The following LRRC56 variants were observed in gnomAD, a reference collection of about 807,000 sequenced individuals.
The protein encoded by LRRC56 is leucine rich repeat containing 56.
In LRRC56, 41 loss-of-function variants were observed where a neutral mutation model predicts 47.8. The observed-to-expected ratio is 0.86, with a 90% CI of 0.67 to 1.11. The LOEUF (loss-of-function observed/expected upper bound fraction) is 1.11, where lower values mean the gene tolerates loss of function less well. LRRC56 is among the 50% of genes most tolerant of loss of function. The pLI is 0.00. For missense variants in LRRC56, 759 were observed against 704.2 expected, an observed-to-expected ratio of 1.08 and a Z score of -0.88; for synonymous variants, 387 against 311.2, an observed-to-expected ratio of 1.24 and a Z score of -2.56.
Position 541,311 on chromosome 11 carries a change from G to A in LRRC56, c.178-226G>A, listed in dbSNP as rs1209896780. On this transcript the variant is annotated intron_variant, in intron 4 of 13. Transcript: ENST00000270115. The surrounding 1 kb of genome is among the most constrained non-coding windows in gnomAD (Gnocchi z 4.1). ...TCTCTCTGGAGACGGGCAGCCCCCA[G>A]GGCAGGTCCTTCTCCCGCAATGACC... is the stretch of plus-strand genomic sequence containing the variant. Among the ~76,000 whole-genome samples the A allele has an allele frequency of 6.6e-6, 1 of 152,184 alleles. No homozygotes were observed. Among genetic ancestry groups the A allele is most frequent in the Non-Finnish European group, 1.5e-5 (1 of 68,034 alleles).
rs1293918092 is a variant in LRRC56, at chr11:554,248, T to C, written c.1601T>C (p.Leu534Pro). ...AAARPPRAAE[L>P]SHPSPVPT ...GCTAGACCTCCCAGGGCAGCTGAAC[T>C]CTCTCACCCCAGCCCCGTCCCCACT... The change falls in exon 14 of 14, where the codon CTC (leucine) becomes CCC (proline). Residue 534 changes from leucine to proline, a missense_variant. Leu to Pro is a moderately conservative substitution (Grantham distance 98). Transcript: ENST00000270115. 3 of 1,506,226 alleles carry C rather than the reference T, an allele frequency of 2.0e-6. No homozygotes were observed. The highest frequency in any genetic ancestry group is 2.7e-6 in the Non-Finnish European group (3 of 1,131,098). 93.3% of individuals were successfully genotyped at this position (1,506,226 alleles called of 1,614,324 possible).
Position 554,694 on chromosome 11 carries a change from G to T in LRRC56, c.*418G>T. 2.3e-6 allele frequency: 1 copy of T among 437,720 alleles called. No homozygotes were observed. Among genetic ancestry groups the T allele is most frequent in the Non-Finnish European group, 4.1e-6 (1 of 245,086 alleles). 27.1% of individuals were successfully genotyped at this position (437,720 alleles called of 1,614,324 possible). A position where few individuals can be genotyped will look rare whatever the true frequency, so the allele number is the denominator to read the frequency against. On this transcript the variant is annotated 3_prime_UTR_variant, in exon 14 of 14. Transcript: ENST00000270115. ...TAAGAGCCACCTCCTAGGCCGCAGT[G>T]GCCCAAGGTCCCAGCTGCTCGCCTG...
At chr11:518,094 CCTT>C in the LRRC56 span, among the ~76,000 whole-genome samples, 3 of 152,156 alleles carry the variant, frequency 2.0e-5, no homozygotes, top group African/African-American at 7.2e-5. Flanking sequence ...TATCTGCTGA[CCTT>C]CTCTCCACTA....
At chr11:526,931 C>T in the LRRC56 span, among the ~76,000 whole-genome samples, 14 of 150,508 alleles carry the variant, frequency 9.3e-5, no homozygotes, top group East Asian at 2.8e-3. Context: ...AGCGAGACAC[C>T]GTCTAAAAAA....
upstream of LRRC56, chr11:533,906 C>T (rs1057520421): frequency 1.9e-6 from 3 of 1,613,096 alleles, no homozygotes; most frequent in East Asian, 2.2e-5. Context: ...CCAACAGGCA[C>T]GTCTCCCCAT....
At chr11:550,700 G>A (rs1045176447) in intron 8 of LRRC56, among the ~76,000 whole-genome samples, 1 of 152,154 alleles carries the variant, frequency 6.6e-6, no homozygotes, top group African/African-American at 2.4e-5. Context: ...ACACCTGTGC[G>A]TGCAGGCCCT....
intron 6 of LRRC56, among the ~76,000 whole-genome samples, chr11:546,280 T>G (rs1564801913): frequency 7.1e-6 from 1 of 140,390 alleles, no homozygotes; most frequent in Non-Finnish European, 1.6e-5. Flanking sequence ...CTCAAAAAAA[T>G]AAAGTAGGCC....
At chr11:512,714 C>T in the LRRC56 span, among the ~76,000 whole-genome samples, 1 of 152,180 alleles carries the variant, frequency 6.6e-6, no homozygotes, top group African/African-American at 2.4e-5. Context: ...TCTTTTGTAT[C>T]TGACTTCCTT....
Position 550,192 on chromosome 11 carries a change from C to T in LRRC56, c.544C>T (p.Gln182Ter), listed in dbSNP as rs61736743. ...GGACCTGGGGCAGGTGCGCTACTTG[C>T]AGCTGTGCCCACGCCTGGCCATGCT... The part of the protein sequence containing the change: ...VEDLGQVRYL[Q>*]LCPRLAMLTL... Residue 182 changes from glutamine to a stop codon, truncating the protein, a stop_gained, in exon 8 of 14, where the codon CAG (glutamine) becomes TAG (stop). Coordinates refer to ENST00000270115, the MANE Select transcript of LRRC56 (RefSeq NM_198075.4). LOFTEE classifies it high-confidence loss of function. 1.3e-5 allele frequency: 21 copies of T among 1,612,936 alleles called. No individual in the cohort carries two copies. The highest frequency in any genetic ancestry group is 1.7e-5 in the Non-Finnish European group (20 of 1,179,804).
chr11:540,916 C>A, intron 4 of LRRC56, 55 bp downstream of exon 4: 1 of 1,380,854 alleles, frequency 7.2e-7, no homozygotes, highest in South Asian at 1.4e-5. Context: ...GGTGACATCC[C>A]AGGGCTCCTT....
At chr11:540,096 G>T (rs1482034918) in intron 3 of LRRC56, among the ~76,000 whole-genome samples, 1 of 152,228 alleles carries the variant, frequency 6.6e-6, no homozygotes, top group African/African-American at 2.4e-5. Flanking sequence ...ACTCTTGCAG[G>T]TACTGCCTGA....
chr11:549,815 G>A, intron 6 of LRRC56, 87 bp from the exon 7 acceptor site: 2 of 1,177,532 alleles, frequency 1.7e-6, no homozygotes, highest in Non-Finnish European at 2.5e-6. Flanking sequence ...GGTCACACCT[G>A]CCCCTACCCC....
intron 8 of LRRC56, among the ~76,000 whole-genome samples, chr11:550,585 C>G (rs1388356640): frequency 6.6e-6 from 1 of 152,166 alleles, no homozygotes; most frequent in African/African-American, 2.4e-5. Context: ...TGTGTGCACA[C>G]ACACACCTGT....
the LRRC56 span, among the ~76,000 whole-genome samples, chr11:515,546 A>T: frequency 6.6e-6 from 1 of 152,178 alleles, no homozygotes; most frequent in African/African-American, 2.4e-5. Flanking sequence ...TTGGCTTATA[A>T]TAAGTTCTGA....
At chr11:511,014 C>T in the LRRC56 span, among the ~76,000 whole-genome samples, 21 of 152,208 alleles carry the variant, frequency 1.4e-4, no homozygotes, top group East Asian at 7.8e-4. Context: ...GATTTTCACA[C>T]GCAGCACGTG....
the LRRC56 span, among the ~76,000 whole-genome samples, chr11:518,106 T>C: frequency 6.6e-6 from 1 of 152,126 alleles, no homozygotes; most frequent in Non-Finnish European, 1.5e-5. Context: ...TTCTCTCCAC[T>C]ATTATCCTAT....
chr11:548,719 A>G (rs1852212909), intron 6 of LRRC56, among the ~76,000 whole-genome samples: 1 of 152,136 alleles, frequency 6.6e-6, no homozygotes, highest in Non-Finnish European at 1.5e-5. Context: ...CGGCCTCCCA[A>G]AGTGCTGGGA....
chr11:521,494 G>A, the LRRC56 span, among the ~76,000 whole-genome samples: 1 of 152,062 alleles, frequency 6.6e-6, no homozygotes, highest in African/African-American at 2.4e-5. Context: ...TTTTTGGCAG[G>A]GACGGGATTT....
chr11:508,545 T>C, the LRRC56 span, among the ~76,000 whole-genome samples: 1 of 152,030 alleles, frequency 6.6e-6, no homozygotes, highest in African/African-American at 2.4e-5. Context: ...GAAGGGTGGA[T>C]CACCTGAGGT....
Sources: gnomAD v4.1 joint callset for allele counts (sites outside exome capture counted in the v4.1 genomes callset) on GRCh38, gnomAD v4.1.1 for gene constraint, Gnocchi (gnomAD v3.1) non-coding constraint, MANE v1.5 for transcripts, NCBI Gene and HGNC (gene_info 2026-07-23, HGNC 2026-07-21) for gene names.